CEP83: variants seen among roughly 807,000 people sequenced by gnomAD.
CEP83 encodes the protein centrosomal protein of 83 kDa.
In CEP83, 70 loss-of-function variants were observed where a neutral mutation model predicts 101.9. The ratio of observed to expected loss-of-function variants is 0.69; its 90% CI spans 0.57 to 0.84. The LOEUF is 0.84. Among genes scored for constraint, CEP83 ranks in the 40% least tolerant of loss-of-function variants. CEP83 has a pLI of 0.00. For missense variants in CEP83, 715 were observed against 787.2 expected (o/e 0.91, Z 1.10); for synonymous variants, 264 against 267.9 (o/e 0.99, Z 0.14).
chr12:94,447,497 G>C (rs2066898338), intron 1 of CEP83, among the ~76,000 whole-genome samples: 1 of 152,038 alleles, frequency 6.6e-6, no homozygotes, highest in African/African-American at 2.4e-5. Context: ...AGGAGAACCT[G>C]TCTGGAAAAA....
intron 14 of CEP83, among the ~76,000 whole-genome samples, chr12:94,331,357 CTTTTTTTT>C (rs1161292599): frequency 2.4e-4 from 16 of 66,802 alleles, no homozygotes; most frequent in African/African-American, 1.7e-4. Context: ...ACCTTTTTTC[CTTTTTTTT>C]TTTTTTTTTT....
intron 11 of CEP83, among the ~76,000 whole-genome samples, chr12:94,344,432 A>T (rs916704000): frequency 1.3e-5 from 2 of 152,174 alleles, no homozygotes; most frequent in Non-Finnish European, 2.9e-5. Flanking sequence ...AAGAAAGCCC[A>T]AGGTATACAA....
chr12:94,451,168 A>C (rs1359345988), intron 1 of CEP83, among the ~76,000 whole-genome samples: 2 of 152,188 alleles, frequency 1.3e-5, no homozygotes, highest in Non-Finnish European at 2.9e-5. Context: ...TGCACGGTTA[A>C]TTCAATATGA....
intron 5 of CEP83, among the ~76,000 whole-genome samples, chr12:94,401,844 C>G (rs2063276732): frequency 6.6e-6 from 1 of 152,120 alleles, no homozygotes; most frequent in African/African-American, 2.4e-5. Context: ...AAACCTACTC[C>G]CAAACCATAA....
chr12:94,336,391 C>T (rs1474259084), intron 11 of CEP83, among the ~76,000 whole-genome samples: 1 of 152,166 alleles, frequency 6.6e-6, no homozygotes, highest in Non-Finnish European at 1.5e-5. Context: ...CTTCAAACGC[C>T]TATCTCAAAT....
At chr12:94,313,724 C>T (rs1281674327) in intron 14 of CEP83, among the ~76,000 whole-genome samples, 1 of 151,842 alleles carries the variant, frequency 6.6e-6, no homozygotes, top group Non-Finnish European at 1.5e-5. Flanking sequence ...GTAGTTCCAG[C>T]TACTCAGGAG....
At chr12:94,321,228 GTTC>G (rs1458112778) in intron 14 of CEP83, among the ~76,000 whole-genome samples, 3 of 152,074 alleles carry the variant, frequency 2.0e-5, no homozygotes, top group Non-Finnish European at 4.4e-5. Flanking sequence ...GATCAGTTAG[GTTC>G]TTTTTTATAC....
intron 1 of CEP83, among the ~76,000 whole-genome samples, chr12:94,449,005 G>A (rs2067015518): frequency 7.2e-6 from 1 of 139,240 alleles, no homozygotes; most frequent in African/African-American, 2.7e-5. Context: ...TTGGTTCTTT[G>A]GAAAGATCAA....
chr12:94,366,058 G>A (rs1293707759), intron 11 of CEP83, among the ~76,000 whole-genome samples: 2 of 151,416 alleles, frequency 1.3e-5, no homozygotes, highest in Non-Finnish European at 2.9e-5. Flanking sequence ...GGATAGATGA[G>A]AAAAGATGAG....
chr12:94,317,812 T>C (rs928038029), intron 14 of CEP83, among the ~76,000 whole-genome samples: 2 of 152,116 alleles, frequency 1.3e-5, no homozygotes, highest in East Asian at 1.9e-4. Context: ...GTTTTGGTTA[T>C]TGTTGCTCTA....
At chr12:94,441,033 A>C (rs1026194358) in intron 1 of CEP83, among the ~76,000 whole-genome samples, 1 of 152,232 alleles carries the variant, frequency 6.6e-6, no homozygotes, top group Admixed American at 6.5e-5. Context: ...AATCAACTCA[A>C]GATGGATTAA....
intron 14 of CEP83, among the ~76,000 whole-genome samples, chr12:94,314,551 T>G (rs1446476442): frequency 6.6e-6 from 1 of 152,240 alleles, no homozygotes; most frequent in Non-Finnish European, 1.5e-5. Context: ...CTTCATTCAT[T>G]CCCACATATT....
chr12:94,400,850 C>A lies in CEP83; in HGVS notation c.549G>T (p.Glu183Asp). 6.9e-7 allele frequency: 1 copy of A among 1,454,824 alleles called. No homozygotes were observed. The highest frequency in any genetic ancestry group is 1.7e-5 in the South Asian group (1 of 59,230). The allele number at this position is 1,454,824 out of a possible 1,614,324, so 90.1% of individuals were successfully genotyped here. Residue 183 changes from glutamate (E) to aspartate (D), a missense_variant and splice_region_variant, in exon 6 of 17, where the codon GAG becomes GAT. Physicochemically the swap from Glu to Asp is conservative, Grantham distance 45. Transcript: ENST00000397809. ...GAAACTCGTATAATCAATCACTTAC[C>A]TCTGATTCATATTTTATTTTTCCTT... ...LDEGKIKYES[E>D]IARLEEDKEE...
chr12:94,371,755 T>C (rs1475597992), intron 8 of CEP83, among the ~76,000 whole-genome samples: 1 of 152,050 alleles, frequency 6.6e-6, no homozygotes, highest in East Asian at 1.9e-4. Flanking sequence ...GGATAAGAAA[T>C]AGAAGTGTCT....
intron 11 of CEP83, among the ~76,000 whole-genome samples, chr12:94,347,194 G>GT (rs1237024820): frequency 6.6e-6 from 1 of 151,754 alleles, no homozygotes; most frequent in Non-Finnish European, 1.5e-5. Context: ...GCTTTTATGC[G>GT]TAACACATAA....
At chr12:94,347,143 G>C (rs2059979402) in intron 11 of CEP83, among the ~76,000 whole-genome samples, 2 of 151,100 alleles carry the variant, frequency 1.3e-5, no homozygotes, top group African/African-American at 4.9e-5. Flanking sequence ...GAAAGTCATA[G>C]ATAAGGAGAA....
the CEP83 span, among the ~76,000 whole-genome samples, chr12:94,286,616 C>CAAAAAAAA: frequency 2.0e-5 from 2 of 101,376 alleles, no homozygotes; most frequent in African/African-American, 4.0e-5. Context: ...TGCTTAAAAG[C>CAAAAAAAA]AAAAAAAAAA....
rs529765825 is a variant in CEP83, at chr12:94,379,390, G to C, written c.550-348C>G. Among the ~76,000 whole-genome samples the C allele has an allele frequency of 3.9e-5, 6 of 152,204 alleles. No individual in the cohort carries two copies. The East Asian group carries it at 9.7e-4, about 24-fold the overall frequency. On this transcript the variant is annotated intron_variant, in intron 6 of 16. Coordinates refer to ENST00000397809, the MANE Select transcript of CEP83 (RefSeq NM_016122.3). The stretch of plus-strand genomic sequence containing the variant: ...TATAGGGGTTCATGACCAAAACTCT[G>C]ACTACTCCAAAGCTTTTCCTCACAT...
chr12:94,378,404 C>T (rs1203376983), intron 7 of CEP83, among the ~76,000 whole-genome samples: 2 of 152,162 alleles, frequency 1.3e-5, no homozygotes, highest in African/African-American at 4.8e-5. Context: ...GGATTTGTGA[C>T]TTTAAGACCT....
Sources: gnomAD v4.1 joint callset for allele counts (sites outside exome capture counted in the v4.1 genomes callset) on GRCh38, gnomAD v4.1.1 for gene constraint, MANE v1.5 for transcripts, NCBI Gene and HGNC (gene_info 2026-07-23, HGNC 2026-07-21) for gene names.